SCN3A: variants seen among roughly 807,000 people sequenced by gnomAD.
SCN3A encodes the protein sodium channel protein type 3 subunit alpha.
Under a neutral mutation model 187.6 loss-of-function variants are expected in SCN3A, and 60 were observed. The observed-to-expected ratio is 0.32, with a 90% CI of 0.26 to 0.40. The LOEUF (loss-of-function observed/expected upper bound fraction) is 0.40. Among genes scored for constraint, SCN3A ranks in the 10% least tolerant of loss-of-function variants. The pLI is 1.00. For synonymous variants in SCN3A, 788 were observed against 829.2 expected (o/e 0.95, Z 0.85); for missense variants, 1,601 against 2,428.2 (o/e 0.66, Z 7.16).
intron 2 of SCN3A, among the ~76,000 whole-genome samples, chr2:165,178,207 T>C (rs1264687195): frequency 6.6e-6 from 1 of 152,092 alleles, no homozygotes; most frequent in African/African-American, 2.4e-5. Flanking sequence ...AGTGTTTCTA[T>C]AACATTACTT....
At chr2:165,199,344 T>C (rs1692177641) in intron 1 of SCN3A, among the ~76,000 whole-genome samples, 1 of 151,982 alleles carries the variant, frequency 6.6e-6, no homozygotes, top group Admixed American at 6.6e-5. Context: ...AATTCAATTC[T>C]TACAGAAATA....
intron 18 of SCN3A, among the ~76,000 whole-genome samples, chr2:165,123,353 TA>T (rs1686803680): frequency 6.6e-6 from 1 of 152,158 alleles, no homozygotes; most frequent in Non-Finnish European, 1.5e-5. Context: ...TGTTTATCTC[TA>T]AAAACTTCTA....
At chr2:165,114,617 T>C (rs1686273017) in intron 19 of SCN3A, among the ~76,000 whole-genome samples, 1 of 152,244 alleles carries the variant, frequency 6.6e-6, no homozygotes, top group South Asian at 2.1e-4. Flanking sequence ...TAGATATTCA[T>C]TGATTTGTGT....
At chr2:165,193,324 T>C (rs1014273407) in intron 1 of SCN3A, among the ~76,000 whole-genome samples, 1 of 152,172 alleles carries the variant, frequency 6.6e-6, no homozygotes, top group Non-Finnish European at 1.5e-5. Flanking sequence ...AGAAACACCA[T>C]AGTGAAAAAG....
chr2:165,177,753 A>T (rs1193331603), intron 2 of SCN3A, among the ~76,000 whole-genome samples: 1 of 152,210 alleles, frequency 6.6e-6, no homozygotes, highest in Non-Finnish European at 1.5e-5. Flanking sequence ...CAGGATACAT[A>T]ATAGAACTAT....
At chr2:165,129,001 T>A (rs1687155896) in intron 17 of SCN3A, among the ~76,000 whole-genome samples, 1 of 152,204 alleles carries the variant, frequency 6.6e-6, no homozygotes, top group Non-Finnish European at 1.5e-5. Context: ...TATGTTACAC[T>A]ATAGGAAGAC....
intron 1 of SCN3A, among the ~76,000 whole-genome samples, chr2:165,190,553 T>TAACTTTATATATAACTATATTTATATAA (rs1691530235): frequency 6.8e-6 from 1 of 147,082 alleles, no homozygotes; most frequent in Non-Finnish European, 1.5e-5. Flanking sequence ...TATTTATATA[T>TAACTTTATATATAACTATATTTATATAA]AACTTTATAT....
At chr2:165,137,798 C>T in intron 15 of SCN3A, 81 bp downstream of exon 15, 1 of 1,122,614 alleles carries the variant, frequency 8.9e-7, no homozygotes, top group Non-Finnish European at 1.4e-6. Context: ...TTGGGTTCAA[C>T]ACAGCACAAA....
At chr2:165,189,135 A>G (rs1691436552) in intron 1 of SCN3A, among the ~76,000 whole-genome samples, 1 of 152,214 alleles carries the variant, frequency 6.6e-6, no homozygotes, top group African/African-American at 2.4e-5. Flanking sequence ...AAAACAAAAC[A>G]AACACATTTC....
At chr2:165,187,092 A>T (rs1427122041) in intron 1 of SCN3A, among the ~76,000 whole-genome samples, 3 of 151,896 alleles carry the variant, frequency 2.0e-5, no homozygotes, top group South Asian at 2.1e-4. Context: ...CCCTCCTTAC[A>T]TCTTCCCCTT....
rs566772817 is a variant in SCN3A at position 165,091,311 on chromosome 2, A to G, written c.4842T>C (p.Phe1614=). ...MFLAEMIEKY[F]VSPTLFRVIR... ...TCACTCGGAACAAGGTAGGGGACACAAAATACTTTTCTATCATCTCAGCCA... is the reference window on the plus strand; with the variant it reads ...TCACTCGGAACAAGGTAGGGGACACGAAATACTTTTCTATCATCTCAGCCA... Residue 1614 remains phenylalanine (F), a synonymous_variant, in exon 28 of 28, where the codon TTT becomes TTC. Coordinates refer to ENST00000283254, the MANE Select transcript of SCN3A (RefSeq NM_006922.4). The G allele has an allele frequency of 2.8e-5, 45 of 1,614,080 alleles. 2 individuals are homozygous for G. The South Asian group carries it at 4.5e-4, about 16-fold the overall frequency.
At chr2:165,160,386 G>T (rs1161995583) in intron 9 of SCN3A, among the ~76,000 whole-genome samples, 1 of 152,098 alleles carries the variant, frequency 6.6e-6, no homozygotes, top group African/African-American at 2.4e-5. Context: ...CCCTTGGTCG[G>T]TGGAAAAATT....
intron 15 of SCN3A, among the ~76,000 whole-genome samples, chr2:165,135,488 A>T (rs948923876): frequency 6.6e-6 from 1 of 152,068 alleles, no homozygotes; most frequent in Non-Finnish European, 1.5e-5. Context: ...GATATTCTAA[A>T]TTTATTTTAA....
chr2:165,117,605 A>C (rs1304270630), intron 18 of SCN3A, among the ~76,000 whole-genome samples: 2 of 152,162 alleles, frequency 1.3e-5, no homozygotes, highest in Non-Finnish European at 2.9e-5. Flanking sequence ...GAGTTCATGA[A>C]GAGTGAATCG....
chr2:165,154,752 T>G (rs1688913707), intron 10 of SCN3A, 94 bp from the exon 11 acceptor site: 1 of 1,213,336 alleles, frequency 8.2e-7, no homozygotes, highest in Non-Finnish European at 1.2e-6. Context: ...GTAGACTAAT[T>G]AGCTTTTTAG....
intron 10 of SCN3A, among the ~76,000 whole-genome samples, chr2:165,155,295 C>T (rs1051618136): frequency 2.6e-5 from 4 of 152,114 alleles, no homozygotes; most frequent in Admixed American, 2.6e-4. Context: ...TATGTTGGAC[C>T]TTCCTCTGTG....
chr2:165,110,828 G>T (rs374119133), intron 21 of SCN3A, among the ~76,000 whole-genome samples: 9 of 152,088 alleles, frequency 5.9e-5, no homozygotes, highest in Non-Finnish European at 1.3e-4. Context: ...GGCACCATTC[G>T]TTTGTCATTC....
intron 12 of SCN3A, among the ~76,000 whole-genome samples, chr2:165,144,085 C>G (rs1461023383): frequency 6.6e-6 from 1 of 152,142 alleles, no homozygotes; most frequent in Non-Finnish European, 1.5e-5. Flanking sequence ...AATTTATGCC[C>G]TCTCTGCTTT....
At chr2:165,116,936 T>C (rs1686395137) in intron 18 of SCN3A, among the ~76,000 whole-genome samples, 1 of 138,526 alleles carries the variant, frequency 7.2e-6, no homozygotes, top group African/African-American at 2.7e-5. Context: ...AGGGTCATGA[T>C]AGCACAATTT....
Sources: allele counts gnomAD v4.1 joint callset (sites outside exome capture counted in the v4.1 genomes callset), GRCh38; gene constraint gnomAD v4.1.1; transcripts MANE v1.5; gene names NCBI Gene and HGNC (gene_info 2026-07-23, HGNC 2026-07-21).